DCC: variants seen among roughly 807,000 people sequenced by gnomAD.
The protein encoded by DCC is netrin receptor DCC.
In DCC, 58 loss-of-function variants were observed where a neutral mutation model predicts 172.5. The observed-to-expected ratio is 0.34, with a 90% CI of 0.27 to 0.42. The LOEUF is 0.42. Among genes scored for constraint, DCC ranks in the 10% least tolerant of loss-of-function variants. DCC has a pLI of 1.00. For missense variants in DCC, 1,740 were observed against 1,791.0 expected, an observed-to-expected ratio of 0.97 and a Z score of 0.51; for synonymous variants, 709 against 644.5, an observed-to-expected ratio of 1.10 and a Z score of -1.52.
chr18:53,227,766 T>A (rs1412226980), intron 12 of DCC, among the ~76,000 whole-genome samples: 1 of 152,202 alleles, frequency 6.6e-6, no homozygotes, highest in Non-Finnish European at 1.5e-5. Flanking sequence ...AATTTCACTT[T>A]CTTTTTTTTG....
chr18:53,229,299 C>T (rs1430437650), intron 12 of DCC, among the ~76,000 whole-genome samples: 2 of 152,050 alleles, frequency 1.3e-5, no homozygotes, highest in Non-Finnish European at 2.9e-5. Flanking sequence ...GTACTGGAGC[C>T]AGGTTGTACT....
rs573663896 is a variant in DCC, at chr18:52,739,806, G to A, written c.92-12248G>A. 4.6e-5 allele frequency among the ~76,000 whole-genome samples: 7 copies of A among 152,270 alleles called. No homozygotes were observed. In the East Asian group the frequency reaches 1.2e-3, roughly 25 times the overall value. On this transcript the variant is annotated intron_variant, in intron 1 of 28. Transcript: ENST00000442544. ...TAACCAAGAGCTTTCTTTTGCAATTGAGAATACCTTCTTTTTTCATATACA... is the reference window on the plus strand; with the variant it reads ...TAACCAAGAGCTTTCTTTTGCAATTAAGAATACCTTCTTTTTTCATATACA...
In DCC at chr18:53,205,364, G is replaced by A. The variant is rs757705838; in HGVS notation, c.1722G>A (p.Gln574=). Residue 574 remains glutamine, a splice_region_variant and synonymous_variant, in exon 10 of 29, where the codon CAG becomes CAA. Transcript: ENST00000442544. ...CTGAGGTGTCCACAGGAAAAGAACA[G>A]GTAGGTGAAGGAATGGACCACACTG... The part of the protein sequence containing the change: ...FCTEVSTGKE[Q]NIEVDGLSYK... 18 of 1,613,614 alleles carry A rather than the reference G, an allele frequency of 1.1e-5. No homozygotes were observed. The highest frequency in any genetic ancestry group is 3.3e-4 in the Middle Eastern group (2 of 6,078).
intron 7 of DCC, among the ~76,000 whole-genome samples, chr18:53,145,259 G>A (rs1043850727): frequency 1.3e-5 from 2 of 151,784 alleles, no homozygotes; most frequent in African/African-American, 4.8e-5. Context: ...GACTACAGTC[G>A]CCCGCCACCA....
At chr18:53,022,422 G>T (rs1384173888) in intron 5 of DCC, among the ~76,000 whole-genome samples, 1 of 151,836 alleles carries the variant, frequency 6.6e-6, no homozygotes, top group Non-Finnish European at 1.5e-5. Flanking sequence ...AGCACTAAGG[G>T]TTAATTGCAA....
At chr18:52,975,421 G>A (rs1318112567) in intron 5 of DCC, among the ~76,000 whole-genome samples, 1 of 152,086 alleles carries the variant, frequency 6.6e-6, no homozygotes. Flanking sequence ...AGGTAAACTT[G>A]TGTCATGGGG....
intron 22 of DCC, among the ~76,000 whole-genome samples, chr18:53,449,552 C>G (rs2045379471): frequency 6.6e-6 from 1 of 152,126 alleles, no homozygotes; most frequent in Non-Finnish European, 1.5e-5. Context: ...TAGATGGCAT[C>G]TTCAAAGGAA....
At chr18:52,358,038 A>T (rs370052317) in intron 1 of DCC, among the ~76,000 whole-genome samples, 1 of 152,102 alleles carries the variant, frequency 6.6e-6, no homozygotes, top group Non-Finnish European at 1.5e-5. Flanking sequence ...ACCCCCTGAT[A>T]TGATGTGATA....
chr18:52,465,342 A>G (rs1988755186), intron 1 of DCC, among the ~76,000 whole-genome samples: 1 of 152,182 alleles, frequency 6.6e-6, no homozygotes, highest in African/African-American at 2.4e-5. Context: ...GCCAAAGAAT[A>G]CATATTTATC....
At chr18:52,532,220 C>T (rs886971358) in intron 1 of DCC, among the ~76,000 whole-genome samples, 1 of 152,034 alleles carries the variant, frequency 6.6e-6, no homozygotes, top group African/African-American at 2.4e-5. Context: ...TATGTTGGCA[C>T]TTAGAAAAAA....
chr18:52,535,558 C>G (rs955062420), intron 1 of DCC, among the ~76,000 whole-genome samples: 4 of 152,014 alleles, frequency 2.6e-5, no homozygotes, highest in Non-Finnish European at 4.4e-5. Context: ...TAAATCATGT[C>G]CAGTAAAATA....
chr18:52,952,910 A>C (rs531705050), intron 5 of DCC, among the ~76,000 whole-genome samples: 1 of 141,632 alleles, frequency 7.1e-6, no homozygotes, highest in Admixed American at 7.5e-5. Context: ...AGGTGGGAGA[A>C]TTGATTGATC....
chr18:52,759,641 A>G (rs1234590663), intron 2 of DCC, among the ~76,000 whole-genome samples: 1 of 152,188 alleles, frequency 6.6e-6, no homozygotes, highest in Non-Finnish European at 1.5e-5. Flanking sequence ...ATTTTAGAAA[A>G]CCTTTTTGGA....
intron 1 of DCC, among the ~76,000 whole-genome samples, chr18:52,659,099 C>T (rs999170): frequency 0.13 from 20,445 of 152,022 alleles, 1,521 homozygotes; most frequent in Admixed American, 0.2. Flanking sequence ...TACCTTTTGC[C>T]CAGACCAGAT....
At chr18:53,130,388 C>T (rs8085776) in intron 7 of DCC, among the ~76,000 whole-genome samples, 2,606 of 152,038 alleles carry the variant, frequency 0.017, 69 homozygotes, top group African/African-American at 0.059. Flanking sequence ...TTATAGAGCC[C>T]GGTGGATAAA....
intron 5 of DCC, among the ~76,000 whole-genome samples, chr18:52,968,270 A>G (rs116099837): frequency 0.014 from 2,167 of 152,196 alleles, 63 homozygotes; most frequent in African/African-American, 0.05. Context: ...GAGGAGGGTG[A>G]CCAGGCACAT....
chr18:52,571,613 C>A (rs1267822085), intron 1 of DCC, among the ~76,000 whole-genome samples: 1 of 152,170 alleles, frequency 6.6e-6, no homozygotes, highest in Non-Finnish European at 1.5e-5. Flanking sequence ...CTGTGAGCCT[C>A]TTGTTCCCAT....
intron 1 of DCC, among the ~76,000 whole-genome samples, chr18:52,577,227 A>T (rs750850121): frequency 1.6e-4 from 25 of 152,214 alleles, no homozygotes; most frequent in Non-Finnish European, 3.4e-4. Context: ...AGTCACCTGC[A>T]TTGTCAGACA....
chr18:52,469,892 G>T (rs1988896944), intron 1 of DCC, among the ~76,000 whole-genome samples: 1 of 152,182 alleles, frequency 6.6e-6, no homozygotes, highest in South Asian at 2.1e-4. Flanking sequence ...GGAGGAAGGA[G>T]AGCATACAGA....
Sources: gnomAD v4.1 joint callset for allele counts (sites outside exome capture counted in the v4.1 genomes callset) on GRCh38, gnomAD v4.1.1 for gene constraint, MANE v1.5 for transcripts, NCBI Gene and HGNC (gene_info 2026-07-23, HGNC 2026-07-21) for gene names.